SLC25A48: variants seen among roughly 807,000 people sequenced by gnomAD.
SLC25A48 encodes solute carrier family 25 member 48.
A neutral mutation model predicts 32.2 loss-of-function variants in SLC25A48; 29 were observed. That is an observed-to-expected ratio of 0.90 (90% CI 0.67 to 1.23). SLC25A48 has a LOEUF of 1.23. Ranked by LOEUF, SLC25A48 falls within the 50% of genes most tolerant of loss-of-function variation. The pLI, the probability that SLC25A48 is intolerant of heterozygous loss-of-function variation, is 0.00. For synonymous variants in SLC25A48, 164 were observed against 172.3 expected (o/e 0.95, Z 0.38); for missense variants, 399 against 422.7 (o/e 0.94, Z 0.49).
intron 4 of SLC25A48, among the ~76,000 whole-genome samples, chr5:135,868,441 GAT>G (rs1761372862): frequency 6.6e-6 from 1 of 152,178 alleles, no homozygotes; most frequent in Non-Finnish European, 1.5e-5. Flanking sequence ...CATGCATGAA[GAT>G]CAAATGACAA....
chr5:135,756,194 A>G (rs1220416447), intron 3 of SLC25A48, among the ~76,000 whole-genome samples: 1 of 152,132 alleles, frequency 6.6e-6, no homozygotes, highest in African/African-American at 2.4e-5. Context: ...GATATTTATA[A>G]TATCTAGTGT....
Position 135,834,680 on chromosome 5 carries a change from C to T in SLC25A48, c.-168C>T. 1.4e-6 allele frequency: 1 copy of T among 707,748 alleles called. No homozygotes were observed. The highest frequency in any genetic ancestry group is 2.3e-6 in the Non-Finnish European group (1 of 434,610). 43.8% of individuals were successfully genotyped at this position (707,748 alleles called of 1,614,324 possible). ...CCTCCGGCACTTGGAGAGGTGAGCG[C>T]GGCAGCCCGCGCAGCCGGTGACTGG... On this transcript the variant is annotated 5_prime_UTR_variant, in exon 1 of 8. Transcript: ENST00000681962.
chr5:135,612,132 G>A (rs567697743), intron 1 of SLC25A48, among the ~76,000 whole-genome samples: 1 of 152,180 alleles, frequency 6.6e-6, no homozygotes, highest in African/African-American at 2.4e-5. Flanking sequence ...CCTAAAATAA[G>A]CAGAATAAAA....
chr5:135,856,477 G>A (rs774128283), intron 4 of SLC25A48, among the ~76,000 whole-genome samples: 1 of 152,288 alleles, frequency 6.6e-6, no homozygotes, highest in East Asian at 1.9e-4. Flanking sequence ...CCCCAGCCCC[G>A]GAGCTGCCCA....
At chr5:135,600,754 C>T (rs1011898339) in intron 1 of SLC25A48, among the ~76,000 whole-genome samples, 6 of 151,964 alleles carry the variant, frequency 3.9e-5, no homozygotes, top group African/African-American at 1.2e-4. Context: ...GCAATCTCGG[C>T]TCACTGCAAC....
At chr5:135,864,210 T>C (rs1038508488) in intron 4 of SLC25A48, among the ~76,000 whole-genome samples, 13 of 152,202 alleles carry the variant, frequency 8.5e-5, no homozygotes, top group African/African-American at 2.9e-4. Flanking sequence ...AACATTTCTC[T>C]AGTTTCCCTG....
chr5:135,793,719 C>T (rs377040275), intron 3 of SLC25A48, among the ~76,000 whole-genome samples: 18 of 151,846 alleles, frequency 1.2e-4, no homozygotes, highest in African/African-American at 4.3e-4. Context: ...TATTACTCTC[C>T]TAATATCACA....
chr5:135,882,626 T>C (rs1464618928), intron 7 of SLC25A48, among the ~76,000 whole-genome samples: 4 of 152,122 alleles, frequency 2.6e-5, no homozygotes, highest in Non-Finnish European at 5.9e-5. Context: ...CCCCAGCTTT[T>C]CCAAGTTCCA....
intron 3 of SLC25A48, among the ~76,000 whole-genome samples, chr5:135,729,901 G>A (rs1347555855): frequency 6.6e-6 from 1 of 152,090 alleles, no homozygotes; most frequent in Non-Finnish European, 1.5e-5. Context: ...TAAATAAAAG[G>A]GGTGATGTTA....
At chr5:135,819,052 A>G (rs1331298528) in intron 4 of SLC25A48, among the ~76,000 whole-genome samples, 1 of 152,154 alleles carries the variant, frequency 6.6e-6, no homozygotes, top group Non-Finnish European at 1.5e-5. Context: ...GAAAAGGTTA[A>G]GAAACAAATG....
At chr5:135,721,192 C>CTTTTTTTTTTTTTT (rs757412641) in intron 3 of SLC25A48, among the ~76,000 whole-genome samples, 9 of 53,884 alleles carry the variant, frequency 1.7e-4, no homozygotes, top group East Asian at 4.2e-4. Flanking sequence ...CATGCCTGGC[C>CTTTTTTTTTTTTTT]TTTTTTTTTT....
At chr5:135,741,022 C>A (rs1323842245) in intron 3 of SLC25A48, among the ~76,000 whole-genome samples, 1 of 152,208 alleles carries the variant, frequency 6.6e-6, no homozygotes, top group Non-Finnish European at 1.5e-5. Flanking sequence ...ATAAAAATGG[C>A]CATCACAGAT....
At chr5:135,625,964 C>A (rs996300609) in intron 1 of SLC25A48, among the ~76,000 whole-genome samples, 1 of 152,214 alleles carries the variant, frequency 6.6e-6, no homozygotes, top group African/African-American at 2.4e-5. Context: ...TCTAGATGAG[C>A]TAAGTGGCCA....
At chr5:135,795,760 G>GACT (rs1222776462) in intron 3 of SLC25A48, among the ~76,000 whole-genome samples, 88 of 151,026 alleles carry the variant, frequency 5.8e-4, no homozygotes. Context: ...GAGAGAGTGT[G>GACT]ACTGCTCTCC....
chr5:135,661,187 G>T (rs1488238115), intron 3 of SLC25A48, among the ~76,000 whole-genome samples: 1 of 152,214 alleles, frequency 6.6e-6, no homozygotes, highest in Non-Finnish European at 1.5e-5. Context: ...CCAGCTTCCT[G>T]TCTGCCTCCA....
intron 1 of SLC25A48, among the ~76,000 whole-genome samples, chr5:135,596,162 CA>C: frequency 6.6e-6 from 1 of 152,336 alleles, no homozygotes; most frequent in East Asian, 1.9e-4. Flanking sequence ...ATAGACATTT[CA>C]TACAAAAATT....
At chr5:135,849,097 T>C (rs1369707808) in intron 2 of SLC25A48, among the ~76,000 whole-genome samples, 5 of 152,218 alleles carry the variant, frequency 3.3e-5, no homozygotes, top group Admixed American at 6.5e-5. Context: ...GTAGGAAAGT[T>C]GGAAAATACA....
chr5:135,668,309 C>T (rs144758862), intron 3 of SLC25A48, among the ~76,000 whole-genome samples: 43 of 152,242 alleles, frequency 2.8e-4, no homozygotes, highest in Non-Finnish European at 5.1e-4. Flanking sequence ...TATTTATATA[C>T]GCAGCAAAGT....
intron 3 of SLC25A48, among the ~76,000 whole-genome samples, chr5:135,778,452 A>G (rs544840018): frequency 1.6e-4 from 24 of 151,228 alleles, no homozygotes; most frequent in Non-Finnish European, 2.9e-4. Flanking sequence ...CCGCCACCCC[A>G]CCCCGTCCCC....
Sources: gnomAD v4.1 joint callset for allele counts (sites outside exome capture counted in the v4.1 genomes callset) on GRCh38, gnomAD v4.1.1 for gene constraint, MANE v1.5 for transcripts, NCBI Gene and HGNC (gene_info 2026-07-23, HGNC 2026-07-21) for gene names.